Variants in CFAP46 observed in about 807,000 individuals in gnomAD.
CFAP46 encodes the protein cilia and flagella associated protein 46, also known as cilia- and flagella-associated protein 46.
CFAP46 carries 245 observed loss-of-function variants against 325.7 expected under a neutral mutation model. That is an observed-to-expected ratio of 0.75 (90% CI 0.68 to 0.84). CFAP46 has a LOEUF of 0.84. CFAP46 is among the 40% of genes least tolerant of loss of function. The probability of loss-of-function intolerance (pLI) is 0.00; values close to 1 mark genes in which losing one functional copy is unlikely to be tolerated. For synonymous variants in CFAP46, 1,523 were observed against 1,495.9 expected (o/e 1.02, Z -0.42); for missense variants, 3,346 against 3,543.0 (o/e 0.94, Z 1.41).
rs1385077910 is a variant in CFAP46, at chr10:132,814,813, G to A, written c.7188+31C>T. On this transcript the variant is annotated intron_variant, in intron 51 of 57. Coordinates refer to ENST00000368586, the MANE Select transcript of CFAP46 (RefSeq NM_001200049.3). ...GCCTGACCTCCCGCTGTGCCCACCAGCCCGATCCCCTATCACAGGCCCCCA... is the reference window on the plus strand; with the variant it reads ...GCCTGACCTCCCGCTGTGCCCACCAACCCGATCCCCTATCACAGGCCCCCA... 6.8e-6 allele frequency: 11 copies of A among 1,613,782 alleles called. No homozygotes were observed. In the African/African-American group the frequency reaches 1.2e-4, roughly 18 times the overall value.
intron 35 of CFAP46, among the ~76,000 whole-genome samples, chr10:132,862,889 G>T (rs1848744139): frequency 6.6e-6 from 1 of 152,128 alleles, no homozygotes; most frequent in Admixed American, 6.5e-5. Flanking sequence ...GCTTTCTGTG[G>T]TGTGGATGTG....
At chr10:132,913,667 T>C (rs1019160985) in intron 17 of CFAP46, among the ~76,000 whole-genome samples, 1 of 152,138 alleles carries the variant, frequency 6.6e-6, no homozygotes, top group African/African-American at 2.4e-5. Context: ...CTGGGACGGC[T>C]GGATGGTGTC....
intron 9 of CFAP46, among the ~76,000 whole-genome samples, chr10:132,927,414 G>A (rs1032160985): frequency 3.3e-5 from 5 of 152,122 alleles, no homozygotes; most frequent in African/African-American, 1.2e-4. Flanking sequence ...TCCGTCCCGG[G>A]GAGCAGGTCC....
At chr10:132,835,625 G>T (rs570723028) in intron 46 of CFAP46, among the ~76,000 whole-genome samples, 191 bp from the exon 47 acceptor site, 1 of 152,240 alleles carries the variant, frequency 6.6e-6, no homozygotes. Context: ...CGCAGGCAGC[G>T]GATGGGCCTC....
At chr10:132,928,147 T>C (rs1411593793) in intron 9 of CFAP46, among the ~76,000 whole-genome samples, 1 of 151,922 alleles carries the variant, frequency 6.6e-6, no homozygotes, top group Non-Finnish European at 1.5e-5. Context: ...ACACAAAACA[T>C]TGCTCTCAGT....
chr10:132,887,543 T>C (rs1849169402), intron 25 of CFAP46, among the ~76,000 whole-genome samples: 1 of 84,328 alleles, frequency 1.2e-5, no homozygotes. Flanking sequence ...TCTCCCCTCT[T>C]CTCTCCTCTC....
intron 32 of CFAP46, 189 bp downstream of exon 32, chr10:132,872,487 G>T: frequency 1.4e-6 from 1 of 692,066 alleles, no homozygotes; most frequent in Non-Finnish European, 2.4e-6. Flanking sequence ...TCAAACTCCT[G>T]GGATCAAATA....
intron 24 of CFAP46, chr10:132,898,618 G>A (rs550120045): frequency 2.1e-4 from 78 of 376,528 alleles, no homozygotes; most frequent in African/African-American, 1.6e-3. Context: ...CCTCTCTCAT[G>A]GCAGGTGGGG....
rs560968408 is a variant in CFAP46 at position 132,827,459 on chromosome 10, C to T, written c.7117+5899G>A. On this transcript the variant is annotated intron_variant, in intron 50 of 57. Coordinates refer to ENST00000368586, the MANE Select transcript of CFAP46 (RefSeq NM_001200049.3). This position sits in a 1 kb window ranked among gnomAD's most constrained non-coding sequence, Gnocchi z 5.7. ...GCACATGTGCCCTTCTGCAAACTTC[C>T]GTGACACCGATGCAAATTTGCTCTT... 1.6e-4 allele frequency among the ~76,000 whole-genome samples: 24 copies of T among 152,104 alleles called. 1 individual carries two copies. Among genetic ancestry groups the T allele is most frequent in the African/African-American group, 5.1e-4 (21 of 41,480 alleles).
At chr10:132,810,896 T>C in intron 56 of CFAP46, 54 bp downstream of exon 56, 1 of 1,507,974 alleles carries the variant, frequency 6.6e-7, no homozygotes, top group African/African-American at 1.4e-5. Flanking sequence ...CGCCCGTCTG[T>C]CTGACCTCTC....
chr10:132,815,210 C>T (rs370451590), intron 50 of CFAP46, among the ~76,000 whole-genome samples: 1 of 152,220 alleles, frequency 6.6e-6, no homozygotes, highest in Admixed American at 6.5e-5. Context: ...CTGCCATGCC[C>T]GGGCCCCTCA....
At chr10:132,911,912 C>T (rs753698977) in intron 19 of CFAP46, among the ~76,000 whole-genome samples, 1 of 152,038 alleles carries the variant, frequency 6.6e-6, no homozygotes, top group African/African-American at 2.4e-5. Context: ...GTCTTGTTTT[C>T]CTCTCTCCAG....
At chr10:132,851,453 C>T (rs557537113) in intron 39 of CFAP46, 148 bp from the exon 40 acceptor site, 36 of 721,768 alleles carry the variant, frequency 5.0e-5, no homozygotes, top group Non-Finnish European at 7.2e-5. Flanking sequence ...ACTTTGATCA[C>T]GAATACACCC....
chr10:132,906,988 C>T (rs1849466025), intron 22 of CFAP46, among the ~76,000 whole-genome samples: 1 of 152,254 alleles, frequency 6.6e-6, no homozygotes, highest in African/African-American at 2.4e-5. Context: ...CCCAGGAGAC[C>T]CCGGACACGT....
In CFAP46 at chr10:132,867,525, G is replaced by A; in HGVS notation, c.4611-18C>T. 6.5e-7 allele frequency: 1 copy of A among 1,548,320 alleles called. No homozygotes were observed. Among genetic ancestry groups the A allele is most frequent in the Non-Finnish European group, 8.7e-7 (1 of 1,146,644 alleles). On this transcript the variant is annotated intron_variant, in intron 33 of 57. Transcript: ENST00000368586. ...TTCTGCAGCTAATGCGAGGAAAACAGACAATACGCAAGAGCCACATGGCCA... is the reference window on the plus strand; with the variant it reads ...TTCTGCAGCTAATGCGAGGAAAACAAACAATACGCAAGAGCCACATGGCCA...
rs1296512055 is a variant in CFAP46, at chr10:132,817,949, TCGGCAGCGCAGC to T, written c.7118-3047_7118-3036del. On this transcript the variant is annotated intron_variant, in intron 50 of 57. Transcript: ENST00000368586. The surrounding 1 kb of genome is among the most constrained non-coding windows in gnomAD (Gnocchi z 4.4). The stretch of plus-strand genomic sequence containing the variant: ...CTGGCCACGCCCTCCATCCTCACCG[TCGGCAGCGCAGC>T]CCCCAGGCTCCTTCTCCTGCTTCTC... Among the ~76,000 whole-genome samples the T allele has an allele frequency of 6.6e-6, 1 of 152,206 alleles. No homozygotes were observed. Among genetic ancestry groups the T allele is most frequent in the Non-Finnish European group, 1.5e-5 (1 of 68,030 alleles).
intron 50 of CFAP46, among the ~76,000 whole-genome samples, chr10:132,822,662 T>C (rs1847891920): frequency 1.4e-5 from 2 of 140,576 alleles, no homozygotes; most frequent in East Asian, 2.2e-4. Flanking sequence ...GTGTGCTGTG[T>C]GTGCGCTTGT....
At chr10:132,814,096 G>A (rs969676120) in intron 54 of CFAP46, 56 bp downstream of exon 54, 15 of 1,441,852 alleles carry the variant, frequency 1.0e-5, no homozygotes, top group South Asian at 9.2e-5. Context: ...GTGGCTCCCC[G>A]CTGGACCCCC....
rs114689107 is a variant in CFAP46, at chr10:132,915,045, G to T, written c.2120+1504C>A. On this transcript the variant is annotated intron_variant, in intron 17 of 57. Coordinates refer to ENST00000368586, the MANE Select transcript of CFAP46 (RefSeq NM_001200049.3). Reference sequence around the variant, plus strand: ...TGGACAGGGTCTGTCCGTCCCGCTAGACCAGGCTGGGCAAACTTTTTCTAT... The same window carrying T: ...TGGACAGGGTCTGTCCGTCCCGCTATACCAGGCTGGGCAAACTTTTTCTAT... Among the ~76,000 whole-genome samples, 1,350 of 152,378 alleles carry T rather than the reference G, an allele frequency of 8.9e-3. 19 individuals carry two copies. The highest frequency in any genetic ancestry group is 0.031 in the African/African-American group (1,272 of 41,580).
Sources: allele counts gnomAD v4.1 joint callset (sites outside exome capture counted in the v4.1 genomes callset), GRCh38; gene constraint gnomAD v4.1.1; non-coding constraint Gnocchi (gnomAD v3.1); transcripts MANE v1.5; gene names NCBI Gene and HGNC (gene_info 2026-07-23, HGNC 2026-07-21).